The following HEXA variants were observed in gnomAD, a reference collection of about 807,000 sequenced individuals.
HEXA encodes hexosaminidase subunit alpha.
HEXA carries 54 observed loss-of-function variants against 73.3 expected under a neutral mutation model. That is an observed-to-expected ratio of 0.74 (90% CI 0.59 to 0.92). The LOEUF (loss-of-function observed/expected upper bound fraction) is 0.92. HEXA is among the 40% of genes least tolerant of loss of function. The probability of loss-of-function intolerance (pLI) is 0.00; values close to 1 mark genes in which losing one functional copy is unlikely to be tolerated. For missense variants in HEXA, 649 were observed against 653.0 expected (o/e 0.99, Z 0.07); for synonymous variants, 230 against 246.9 (o/e 0.93, Z 0.64).
Position 72,361,333 on chromosome 15 carries a change from T to C in HEXA, c.254-4716A>G, listed in dbSNP as rs1223137647. 3.3e-5 allele frequency among the ~76,000 whole-genome samples: 5 copies of C among 152,334 alleles called. No homozygotes were observed. The South Asian group carries it at 8.3e-4, about 25-fold the overall frequency. ...CTAACTCCTTGAATATGCTTCTTCA[T>C]TCAACTTCTCCTTTACCAATCCCAA... On this transcript the variant is annotated intron_variant, in intron 1 of 13. Transcript: ENST00000268097.
intron 1 of HEXA, among the ~76,000 whole-genome samples, chr15:72,371,787 T>C (rs1182687152): frequency 6.6e-6 from 1 of 152,192 alleles, no homozygotes; most frequent in Non-Finnish European, 1.5e-5. Flanking sequence ...ATGCCATTTA[T>C]TAATTTAGTC....
At chr15:72,345,149 T>A in intron 13 of HEXA, 1 of 424,518 alleles carries the variant, frequency 2.4e-6, no homozygotes, top group Non-Finnish European at 4.3e-6. Context: ...AGTATTTGCA[T>A]ATAACCAATG....
Position 72,370,613 on chromosome 15 carries a change from C to T in HEXA, c.253+5107G>A, listed in dbSNP as rs748336538. The T allele has an allele frequency of 2.4e-4, 95 of 396,316 alleles. No homozygotes were observed. The highest frequency in any genetic ancestry group is 3.3e-4 in the Non-Finnish European group (75 of 225,572). 24.5% of individuals were successfully genotyped at this position (396,316 alleles called of 1,614,324 possible). ...ACTCATCAGTGAGGCGGGAAGACTG[C>T]TTGAGTCCTGGAGTTCGAGGTTGCT... On this transcript the variant is annotated intron_variant, in intron 1 of 13. Coordinates refer to ENST00000268097, the MANE Select transcript of HEXA (RefSeq NM_000520.6).
Position 72,350,511 on chromosome 15 carries a change from T to C in HEXA, c.805+7A>G, listed in dbSNP as rs758135123. On this transcript the variant is annotated splice_region_variant and intron_variant, in intron 7 of 13. Transcript: ENST00000268097. ...AGAGTCCCTCTGGTCCCAGACATCA[T>C]TCTTACCTGGTCCCCAGGACAAAGT... 8 of 1,613,938 alleles carry C rather than the reference T, an allele frequency of 5.0e-6. No homozygotes were observed. The highest frequency in any genetic ancestry group is 5.9e-6 in the Non-Finnish European group (7 of 1,179,954).
chr15:72,356,002 T>C (rs1278760462), intron 2 of HEXA: 2 of 465,226 alleles, frequency 4.3e-6, no homozygotes, highest in Non-Finnish European at 8.6e-6. Flanking sequence ...CAGCACGCGA[T>C]GCTCCCAATG....
intron 8 of HEXA, among the ~76,000 whole-genome samples, chr15:72,348,650 C>T (rs1369864710): frequency 6.6e-6 from 1 of 152,224 alleles, no homozygotes; most frequent in African/African-American, 2.4e-5. Flanking sequence ...AAAGAAGCCC[C>T]TCAGCCTCTT....
chr15:72,348,965 A>T, intron 8 of HEXA, 114 bp downstream of exon 8: 1 of 854,422 alleles, frequency 1.2e-6, no homozygotes, highest in Non-Finnish European at 2.0e-6. Context: ...GAGCAATGTG[A>T]GCCCATACAG....
At position 72,343,636 on chromosome 15, in the gene HEXA, C is replaced by A. The variant is rs920305614; in HGVS notation, c.*441G>T. ...AAGCCCCTACATCTTTTTCCATATACCAACGCCTTGGAGATATAATGCAGA... is the reference window on the plus strand; with the variant it reads ...AAGCCCCTACATCTTTTTCCATATAACAACGCCTTGGAGATATAATGCAGA... On this transcript the variant is annotated 3_prime_UTR_variant, in exon 14 of 14. Coordinates refer to ENST00000268097, the MANE Select transcript of HEXA (RefSeq NM_000520.6). 1.7e-5 allele frequency: 4 copies of A among 230,838 alleles called. No individual in the cohort carries two copies. The highest frequency in any genetic ancestry group is 3.5e-5 in the Non-Finnish European group (4 of 114,486). The allele number at this position is 230,838 out of a possible 1,614,324, so 14.3% of individuals were successfully genotyped here. A position where few individuals can be genotyped will look rare whatever the true frequency, so the allele number is the denominator to read the frequency against.
At chr15:72,373,345 T>C (rs1050352896) in intron 1 of HEXA, among the ~76,000 whole-genome samples, 40 of 152,242 alleles carry the variant, frequency 2.6e-4, no homozygotes, top group African/African-American at 9.4e-4. Context: ...GCTTCATCCT[T>C]GTTTCTGCAG....
intron 6 of HEXA, 33 bp from the exon 7 acceptor site, chr15:72,350,683 C>G: frequency 6.2e-7 from 1 of 1,613,400 alleles, no homozygotes; most frequent in Non-Finnish European, 8.5e-7. Flanking sequence ...CAGGTTCACA[C>G]TTCCTGAAAG....
Position 72,342,332 on chromosome 15 carries a change from G to A in HEXA, c.*1745C>T, listed in dbSNP as rs1485482950. 6.6e-6 allele frequency: 1 copy of A among 152,154 alleles called. No homozygotes were observed. The highest frequency in any genetic ancestry group is 1.5e-5 in the Non-Finnish European group (1 of 68,066). The allele number at this position is 152,154 out of a possible 1,614,324, so 9.4% of individuals were successfully genotyped here. On this transcript the variant is annotated 3_prime_UTR_variant, in exon 14 of 14. Transcript: ENST00000268097. ...AGGACCTCGAAGGAACATGACCCAG[G>A]GGCTGAAGGATGGTGTTGAAGGACC...
chr15:72,349,054 A>C, intron 8 of HEXA, 25 bp downstream of exon 8: 1 of 1,597,596 alleles, frequency 6.3e-7, no homozygotes, highest in South Asian at 1.1e-5. Flanking sequence ...ATCAGGCCAC[A>C]GTGGGAAGAT....
chr15:72,345,930 A>C (rs2088606651), intron 12 of HEXA: 1 of 532,234 alleles, frequency 1.9e-6, no homozygotes. Flanking sequence ...TATTACAGGA[A>C]TCATGGATGC....
chr15:72,370,734 G>A (rs1459789709), intron 1 of HEXA: 2 of 316,044 alleles, frequency 6.3e-6, no homozygotes, highest in Non-Finnish European at 1.1e-5. Context: ...AAAAAAACAG[G>A]GCTGTGAGAA....
At chr15:72,354,015 A>G (rs1274450718) in intron 3 of HEXA, 5 of 536,392 alleles carry the variant, frequency 9.3e-6, no homozygotes, top group East Asian at 3.3e-5. Context: ...CCTCTTATCT[A>G]TATTTCCTGT....
At chr15:72,375,401 A>G (rs536833422) in intron 1 of HEXA, among the ~76,000 whole-genome samples, 3 of 152,236 alleles carry the variant, frequency 2.0e-5, no homozygotes, top group South Asian at 2.1e-4. Flanking sequence ...TGTCTCCCCA[A>G]TTTTGAGTGT....
At chr15:72,348,022 C>T (rs1318725101) in intron 9 of HEXA, 26 bp downstream of exon 9, 1 of 1,541,174 alleles carries the variant, frequency 6.5e-7, no homozygotes. Flanking sequence ...CCCAAGGGAC[C>T]CCACCCACCC....
intron 13 of HEXA, 54 bp downstream of exon 13, chr15:72,345,392 C>T (rs2088596801): frequency 2.5e-6 from 4 of 1,611,176 alleles, no homozygotes; most frequent in South Asian, 1.1e-5. Context: ...TAAGGGGTTC[C>T]CCAGCCCTGG....
intron 11 of HEXA, 26 bp from the exon 12 acceptor site, chr15:72,346,351 C>G: frequency 6.3e-7 from 1 of 1,593,876 alleles, no homozygotes; most frequent in Non-Finnish European, 8.6e-7. Flanking sequence ...CAACAACAGT[C>G]TGGTGATGGT....
Sources: gnomAD v4.1 joint callset for allele counts (sites outside exome capture counted in the v4.1 genomes callset) on GRCh38, gnomAD v4.1.1 for gene constraint, MANE v1.5 for transcripts, NCBI Gene and HGNC (gene_info 2026-07-23, HGNC 2026-07-21) for gene names.